The following KIFC2 variants were observed in gnomAD, a reference collection of about 807,000 sequenced individuals.
The protein encoded by KIFC2 is kinesin-like protein KIFC2.
Under a neutral mutation model 91.5 loss-of-function variants are expected in KIFC2, and 94 were observed. The observed-to-expected ratio is 1.03, with a 90% CI of 0.87 to 1.22. KIFC2 has a LOEUF of 1.22. KIFC2 is among the 50% of genes most tolerant of loss of function. The pLI, the probability that KIFC2 is intolerant of heterozygous loss-of-function variation, is 0.00. For synonymous variants in KIFC2, 729 were observed against 503.9 expected (o/e 1.45, Z -5.98); for missense variants, 1,357 against 1,103.3 (o/e 1.23, Z -3.26).
chr8:144,466,359 G>T lies in KIFC2; in HGVS notation c.-61G>T. 1.5e-6 allele frequency: 1 copy of T among 659,206 alleles called. No individual in the cohort carries two copies. The allele number at this position is 659,206 out of a possible 1,614,324, so 40.8% of individuals were successfully genotyped here. ...ACCGGCACTGCGGCGGGCGGGCGCC[G>T]AGTCTGGGCGCGGGGACGCGGGGCG... On this transcript the variant is annotated 5_prime_UTR_variant, in exon 1 of 18. Coordinates refer to ENST00000645548, the MANE Select transcript of KIFC2 (RefSeq NM_001369769.2).
Position 144,472,232 on chromosome 8 carries a change from T to C in KIFC2, c.1580T>C (p.Met527Thr). ...CGGCAGCACCGGGTGACACTCAGCA[T>C]GGTGGAGATCTACAATGAGGCTGTC... Reference protein sequence around the residue: ...AGRQHRVTLSMVEIYNEAVRD... With the variant: ...AGRQHRVTLSTVEIYNEAVRD... The change falls in exon 14 of 18, where the codon ATG (methionine) becomes ACG (threonine). Residue 527 changes from methionine to threonine, a missense_variant. By Grantham distance (81) the Met-to-Thr change is moderately conservative (BLOSUM62 -1). Transcript: ENST00000645548. The C allele has an allele frequency of 6.2e-7, 1 of 1,612,790 alleles. No homozygotes were observed. Among genetic ancestry groups the C allele is most frequent in the Non-Finnish European group, 8.5e-7 (1 of 1,179,802 alleles).
intron 3 of KIFC2, 30 bp downstream of exon 3, chr8:144,467,140 G>A: frequency 6.2e-7 from 1 of 1,611,392 alleles, no homozygotes; most frequent in Non-Finnish European, 8.5e-7. Flanking sequence ...CTGCTGGCAG[G>A]TACCACCTGC....
Position 144,469,704 on chromosome 8 carries a change from G to A in KIFC2, c.1380+57G>A. ...CTTTTTCAGAGTTCCCTGAAGAGCA[G>A]GAGAGGCTCCAGTTTCCCCTTCCCA... On this transcript the variant is annotated intron_variant, in intron 12 of 17. Coordinates refer to ENST00000645548, the MANE Select transcript of KIFC2 (RefSeq NM_001369769.2). 15 of 1,517,176 alleles carry A rather than the reference G, an allele frequency of 9.9e-6. No individual in the cohort carries two copies. The South Asian group carries it at 2.0e-4, about 20-fold the overall frequency. The allele number at this position is 1,517,176 out of a possible 1,614,324, so 94.0% of individuals were successfully genotyped here.
chr8:144,467,603 G>C lies in KIFC2; in HGVS notation c.588G>C (p.Gln196His). ...LQLEEDQRAW[Q>H]RLEQLILGQL... Reference sequence around the variant, plus strand: ...TGGAGGAGGATCAGAGGGCGTGGCAGCGGCTGGAGCAGCTCATCCTGGGAC... The same window carrying C: ...TGGAGGAGGATCAGAGGGCGTGGCACCGGCTGGAGCAGCTCATCCTGGGAC... The change falls in exon 5 of 18, where the codon CAG (glutamine) becomes CAC (histidine). Residue 196 changes from glutamine (Q) to histidine (H), a missense_variant. Coordinates refer to ENST00000645548, the MANE Select transcript of KIFC2 (RefSeq NM_001369769.2). 6.3e-7 allele frequency: 1 copy of C among 1,596,314 alleles called. No homozygotes were observed. The highest frequency in any genetic ancestry group is 8.5e-7 in the Non-Finnish European group (1 of 1,170,926).
chr8:144,473,761 TC>T lies in KIFC2; in HGVS notation c.*379del. ...AACGTTGCAAATTCCTTTACTGTTA[TC>T]CCCCCCACCACCAGGACCATGTAGG... On this transcript the variant is annotated 3_prime_UTR_variant, in exon 18 of 18. Transcript: ENST00000645548. The T allele has an allele frequency of 7.2e-5, 27 of 373,378 alleles. No individual in the cohort carries two copies. Among genetic ancestry groups the T allele is most frequent in the East Asian group, 2.4e-4 (5 of 20,690 alleles). The allele number at this position is 373,378 out of a possible 1,614,324, so 23.1% of individuals were successfully genotyped here.
At chr8:144,470,314 C>G (rs778368899) in intron 12 of KIFC2, among the ~76,000 whole-genome samples, 1 of 152,244 alleles carries the variant, frequency 6.6e-6, no homozygotes, top group African/African-American at 2.4e-5. Flanking sequence ...ATCCCTCTGG[C>G]CTTAGCCCCA....
rs148389554 is a variant in KIFC2, at chr8:144,474,066, G to T, written c.*677G>T. On this transcript the variant is annotated 3_prime_UTR_variant, in exon 18 of 18. Transcript: ENST00000645548. ...CAGACCAGGGTGAGGGTTGTGCCCA[G>T]CTGGGCCACGGCCATGCGTGGGGTG... 6.6e-6 allele frequency: 4 copies of T among 608,998 alleles called. No individual in the cohort carries two copies. The highest frequency in any genetic ancestry group is 1.2e-5 in the Non-Finnish European group (4 of 346,622). The allele number at this position is 608,998 out of a possible 1,614,324, so 37.7% of individuals were successfully genotyped here. A position where few individuals can be genotyped will look rare whatever the true frequency, so the allele number is the denominator to read the frequency against.
chr8:144,467,156 C>T (rs751067506), intron 3 of KIFC2, 46 bp downstream of exon 3: 17 of 1,612,632 alleles, frequency 1.1e-5, no homozygotes, highest in Admixed American at 3.3e-5. Flanking sequence ...CCTGCCCCGG[C>T]CTTCCTGGCT....
At position 144,471,948 on chromosome 8, in the gene KIFC2, A is replaced by G. The variant is rs746595152; in HGVS notation, c.1387A>G (p.Arg463Gly). Residue 463 changes from arginine to glycine, a missense_variant, in exon 13 of 18, where the codon AGA becomes GGA. By Grantham distance (125) the Arg-to-Gly change is moderately radical. Transcript: ENST00000645548. ...PPDASQEEVF[R>G]ELEPAVLSCL... is the part of the protein sequence containing the mutation. ...ATTCTCCCGCCTCCCGCAGGTCTTCAGAGAGCTGGAACCTGCGGTGCTGTC... is the reference window on the plus strand; with the variant it reads ...ATTCTCCCGCCTCCCGCAGGTCTTCGGAGAGCTGGAACCTGCGGTGCTGTC... 4 of 1,613,190 alleles carry G rather than the reference A, an allele frequency of 2.5e-6. No individual in the cohort carries two copies. The highest frequency in any genetic ancestry group is 4.5e-5 in the East Asian group (2 of 44,880).
rs764736173 is a variant in KIFC2 at position 144,467,698 on chromosome 8, TCTTA to T, written c.616-12_616-9del. ...AGAAAAAGGAGGTCCACCCTGTCTC[TCTTA>T]CTTCTCCCCAGCTGGAGGAGCTGAA... On this transcript the variant is annotated splice_polypyrimidine_tract_variant and intron_variant, in intron 5 of 17. Coordinates refer to ENST00000645548, the MANE Select transcript of KIFC2 (RefSeq NM_001369769.2). The T allele has an allele frequency of 2.5e-6, 4 of 1,613,472 alleles. No individual in the cohort carries two copies. The highest frequency in any genetic ancestry group is 2.7e-5 in the African/African-American group (2 of 75,020).
In KIFC2 at chr8:144,467,554, C is replaced by G; in HGVS notation, c.539C>G (p.Thr180Ser). ...CCAGGCGAGCCACTGGGGGATGAGACCCAGGGACAGCAGCCCCTCCAGTTG... is the reference window on the plus strand; with the variant it reads ...CCAGGCGAGCCACTGGGGGATGAGAGCCAGGGACAGCAGCCCCTCCAGTTG... ...AVPGEPLGDE[T>S]QGQQPLQLEE... The change falls in exon 5 of 18, where the codon ACC becomes AGC. Residue 180 changes from threonine (T) to serine (S), a missense_variant. Transcript: ENST00000645548. 6.2e-7 allele frequency: 1 copy of G among 1,605,986 alleles called. No individual in the cohort carries two copies. Among genetic ancestry groups the G allele is most frequent in the African/African-American group, 1.3e-5 (1 of 74,696 alleles).
At position 144,472,442 on chromosome 8, in the gene KIFC2, C is replaced by A; in HGVS notation, c.1689C>A (p.Gly563=). ...GCCAGGGCGGGATCCAGGTGGCTGG[C>A]CTCACCCACTGGGACGTGCCCAACC... is the stretch of plus-strand genomic sequence containing the variant. ...PEGQGGIQVA[G]LTHWDVPNLE... Residue 563 remains glycine (G), a synonymous_variant, in exon 15 of 18, where the codon GGC becomes GGA. Transcript: ENST00000645548. 6.2e-7 allele frequency: 1 copy of A among 1,612,566 alleles called. No individual in the cohort carries two copies.
chr8:144,472,969 A>G lies in KIFC2; in HGVS notation c.2036A>G (p.His679Arg). The G allele has an allele frequency of 6.8e-7, 1 of 1,460,750 alleles. No individual in the cohort carries two copies. Among genetic ancestry groups the G allele is most frequent in the Middle Eastern group, 2.2e-4 (1 of 4,614 alleles). The allele number at this position is 1,460,750 out of a possible 1,614,324, so 90.5% of individuals were successfully genotyped here. The change falls in exon 17 of 18, where the codon CAC becomes CGC. Residue 679 changes from histidine to arginine, a missense_variant. By Grantham distance (29) the His-to-Arg change is conservative. Coordinates refer to ENST00000645548, the MANE Select transcript of KIFC2 (RefSeq NM_001369769.2). ...GCCGCACTGCGGGCCCACCGGCCGC[A>G]CGTGCCCTTCCGCGACTCGCAGCTC... ...VMAALRAHRP[H>R]VPFRDSQLTR...
In KIFC2 at chr8:144,467,118, C is replaced by G. The variant is rs760993287; in HGVS notation, c.330+8C>G. The G allele has an allele frequency of 6.2e-7, 1 of 1,606,242 alleles. No individual in the cohort carries two copies. The highest frequency in any genetic ancestry group is 1.3e-5 in the African/African-American group (1 of 74,810). The stretch of plus-strand genomic sequence containing the variant: ...CCGGCGGACCTGGGCCAGGTGAGCG[C>G]GGCGGAGGGGGCTGCTGGCAGGTAC... On this transcript the variant is annotated splice_region_variant and intron_variant, in intron 3 of 17. Transcript: ENST00000645548.
intron 10 of KIFC2, among the ~76,000 whole-genome samples, 177 bp from the exon 11 acceptor site, chr8:144,469,094 G>A (rs1824818540): frequency 6.6e-6 from 1 of 152,192 alleles, no homozygotes; most frequent in African/African-American, 2.4e-5. Flanking sequence ...TCATTCCTGG[G>A]CTTTATCCTG....
In KIFC2 at chr8:144,472,066, C is replaced by G. The variant is rs775936340; in HGVS notation, c.1485+20C>G. On this transcript the variant is annotated intron_variant, in intron 13 of 17. Transcript: ENST00000645548. ...ATGGAGGTGGGACAGAGCTCACGCC[C>G]CAGTGGGAGAGGCCCCAGGGGCCCT... 5.6e-6 allele frequency: 9 copies of G among 1,613,272 alleles called. No individual in the cohort carries two copies. In the South Asian group the frequency reaches 9.9e-5, roughly 18 times the overall value.
At chr8:144,470,452 C>T (rs986796695) in intron 12 of KIFC2, 1 of 152,316 alleles carries the variant, frequency 6.6e-6, no homozygotes, top group African/African-American at 2.4e-5. Context: ...CATCTGTGTT[C>T]CTGTTTCTGC....
chr8:144,471,882 A>T, intron 12 of KIFC2, 60 bp from the exon 13 acceptor site: 1 of 1,486,874 alleles, frequency 6.7e-7, no homozygotes, highest in Admixed American at 1.7e-5. Flanking sequence ...CACCCCACCA[A>T]ATAGGGCATA....
At position 144,473,212 on chromosome 8, in the gene KIFC2, G is replaced by A. The variant is rs745446377; in HGVS notation, c.2199G>A (p.Gly733=). Residue 733 remains glycine, a synonymous_variant, in exon 18 of 18, where the codon GGG becomes GGA. Coordinates refer to ENST00000645548, the MANE Select transcript of KIFC2 (RefSeq NM_001369769.2). The part of the protein sequence containing the change: ...FADRVGQVEL[G]PARRRRVPRS... ...ACCGAGTGGGTCAAGTGGAGCTGGG[G>A]CCAGCCCGGCGCCGCAGGGTCCCGC... is the stretch of plus-strand genomic sequence containing the variant. 3 of 1,589,702 alleles carry A rather than the reference G, an allele frequency of 1.9e-6. No homozygotes were observed. Among genetic ancestry groups the A allele is most frequent in the African/African-American group, 2.7e-5 (2 of 74,452 alleles).
Sources: gnomAD v4.1 joint callset for allele counts (sites outside exome capture counted in the v4.1 genomes callset) on GRCh38, gnomAD v4.1.1 for gene constraint, MANE v1.5 for transcripts, NCBI Gene and HGNC (gene_info 2026-07-23, HGNC 2026-07-21) for gene names.